Variants in EPHA6 observed in about 807,000 individuals in gnomAD.
The protein encoded by EPHA6 is ephrin type-A receptor 6.
EPHA6 carries 50 observed loss-of-function variants against 112.0 expected under a neutral mutation model. The observed-to-expected ratio is 0.45, with a 90% CI of 0.36 to 0.56. EPHA6 has a LOEUF of 0.56. Ranked by LOEUF, EPHA6 falls within the 20% of genes least tolerant of loss-of-function variation. The pLI is 0.00. For synonymous variants in EPHA6, 529 were observed against 490.7 expected, an observed-to-expected ratio of 1.08 and a Z score of -1.03; for missense variants, 1,280 against 1,417.4, an observed-to-expected ratio of 0.90 and a Z score of 1.56.
At chr3:96,897,330 C>T (rs148493692) in intron 2 of EPHA6, among the ~76,000 whole-genome samples, 1 of 151,746 alleles carries the variant, frequency 6.6e-6, no homozygotes, top group African/African-American at 2.4e-5. Context: ...CAAGTATAAC[C>T]CATTTTCTTA....
chr3:97,682,676 C>T (rs766490542), intron 14 of EPHA6, among the ~76,000 whole-genome samples: 1 of 152,134 alleles, frequency 6.6e-6, no homozygotes, highest in Non-Finnish European at 1.5e-5. Context: ...TCAAGCAATA[C>T]ATTTTCCAGC....
intron 3 of EPHA6, among the ~76,000 whole-genome samples, chr3:97,222,350 A>G (rs1233480302): frequency 2.0e-5 from 3 of 152,222 alleles, no homozygotes; most frequent in East Asian, 3.8e-4. Flanking sequence ...ATATTGAAGT[A>G]ACCCAAATAT....
chr3:96,815,572 T>G (rs1379388542), intron 1 of EPHA6, among the ~76,000 whole-genome samples: 1 of 152,148 alleles, frequency 6.6e-6, no homozygotes. Context: ...GCTCCAGATC[T>G]GTGTAGGGGT....
At chr3:97,706,497 C>T (rs1485557351) in intron 14 of EPHA6, among the ~76,000 whole-genome samples, 1 of 152,190 alleles carries the variant, frequency 6.6e-6, no homozygotes, top group Non-Finnish European at 1.5e-5. Flanking sequence ...CAAGTCTTCG[C>T]TGTCATGGCT....
At chr3:97,244,355 G>T in intron 5 of EPHA6, 68 bp downstream of exon 5, 1 of 1,354,748 alleles carries the variant, frequency 7.4e-7, no homozygotes. Context: ...ATCCCTCATG[G>T]GCATGTATTT....
intron 2 of EPHA6, among the ~76,000 whole-genome samples, chr3:96,942,151 G>A (rs1399717951): frequency 6.6e-6 from 1 of 152,174 alleles, no homozygotes; most frequent in Non-Finnish European, 1.5e-5. Context: ...TGTCAGACAG[G>A]GGCATTCAAG....
At chr3:97,349,774 T>C (rs1379159953) in intron 5 of EPHA6, among the ~76,000 whole-genome samples, 1 of 152,034 alleles carries the variant, frequency 6.6e-6, no homozygotes, top group Non-Finnish European at 1.5e-5. Context: ...AAAGTCTTCA[T>C]TGAGCAGGAG....
At chr3:97,460,317 G>A (rs1445492232) in intron 7 of EPHA6, among the ~76,000 whole-genome samples, 2 of 152,182 alleles carry the variant, frequency 1.3e-5, no homozygotes, top group African/African-American at 4.8e-5. Flanking sequence ...CCTAAGGATG[G>A]CAATGTAGTT....
rs3064321 is a variant in EPHA6 at position 97,736,447 on chromosome 3, T to TAGAG, written c.3128+350_3128+353dup. ...ATTGATCCTTCCTTACCTTTAGAAG[T>TAGAG]AGAGAGAGAGAGAGAGAGAGAGAGT... On this transcript the variant is annotated intron_variant, in intron 16 of 17. Coordinates refer to ENST00000389672, the MANE Select transcript of EPHA6 (RefSeq NM_001080448.3). Among the ~76,000 whole-genome samples the TAGAG allele has an allele frequency of 1.8e-3, 230 of 131,308 alleles. 1 individual carries two copies. The highest frequency in any genetic ancestry group is 4.5e-3 in the African/African-American group (157 of 35,270). The allele number at this position is 131,308 out of a possible 152,430, so 86.1% of individuals were successfully genotyped here. A position where few individuals can be genotyped will look rare whatever the true frequency, so the allele number is the denominator to read the frequency against.
chr3:97,432,705 C>A (rs890905967), intron 6 of EPHA6, among the ~76,000 whole-genome samples: 1 of 152,096 alleles, frequency 6.6e-6, no homozygotes, highest in Non-Finnish European at 1.5e-5. Flanking sequence ...AGGAAACTTA[C>A]AATCATGTGT....
intron 6 of EPHA6, among the ~76,000 whole-genome samples, chr3:97,420,991 T>C (rs759220177): frequency 1.6e-4 from 25 of 152,132 alleles, no homozygotes; most frequent in Non-Finnish European, 3.2e-4. Context: ...AGAAAAGGCA[T>C]TTCATGTATA....
intron 13 of EPHA6, among the ~76,000 whole-genome samples, chr3:97,619,436 G>A (rs531819486): frequency 2.6e-5 from 3 of 117,436 alleles, no homozygotes; most frequent in Non-Finnish European, 4.7e-5. Context: ...TAGAAAAAGG[G>A]GGGGGGGGGC....
intron 1 of EPHA6, among the ~76,000 whole-genome samples, chr3:96,817,371 T>C (rs1181773328): frequency 6.6e-6 from 1 of 151,912 alleles, no homozygotes; most frequent in Non-Finnish European, 1.5e-5. Flanking sequence ...TCCTTACTCG[T>C]AGTTTCATAA....
At chr3:97,058,113 T>G (rs1260016811) in intron 3 of EPHA6, among the ~76,000 whole-genome samples, 1 of 152,174 alleles carries the variant, frequency 6.6e-6, no homozygotes, top group Non-Finnish European at 1.5e-5. Context: ...TCAATTTAAC[T>G]ATGTCATTAT....
At chr3:97,150,635 A>G (rs1213738192) in intron 3 of EPHA6, among the ~76,000 whole-genome samples, 2 of 152,064 alleles carry the variant, frequency 1.3e-5, no homozygotes, top group Admixed American at 6.6e-5. Flanking sequence ...TAATGAAGTT[A>G]TTTGTCTCTG....
intron 8 of EPHA6, among the ~76,000 whole-genome samples, chr3:97,475,841 T>C (rs1283056264): frequency 6.6e-6 from 1 of 152,170 alleles, no homozygotes; most frequent in Non-Finnish European, 1.5e-5. Context: ...TAATATTTTG[T>C]CAATTAAATA....
intron 2 of EPHA6, among the ~76,000 whole-genome samples, chr3:96,915,155 G>T (rs551641109): frequency 6.6e-6 from 1 of 151,832 alleles, no homozygotes; most frequent in Non-Finnish European, 1.5e-5. Flanking sequence ...AGGGAAACAT[G>T]GGAAAAGAAA....
At chr3:96,944,001 A>G (rs1345942018) in intron 2 of EPHA6, among the ~76,000 whole-genome samples, 1 of 152,210 alleles carries the variant, frequency 6.6e-6, no homozygotes, top group African/African-American at 2.4e-5. Flanking sequence ...CCATCAGTGA[A>G]TAAACATGCT....
At chr3:96,951,293 A>C (rs959999164) in intron 2 of EPHA6, among the ~76,000 whole-genome samples, 1 of 152,136 alleles carries the variant, frequency 6.6e-6, no homozygotes, top group Non-Finnish European at 1.5e-5. Flanking sequence ...ACATAAAGAA[A>C]TCAAAATATG....
Sources: allele counts gnomAD v4.1 joint callset (sites outside exome capture counted in the v4.1 genomes callset), GRCh38; gene constraint gnomAD v4.1.1; transcripts MANE v1.5; gene names NCBI Gene and HGNC (gene_info 2026-07-23, HGNC 2026-07-21).